UVRAG: variants seen among roughly 807,000 people sequenced by gnomAD.
UVRAG encodes UV radiation resistance associated, also known as UV radiation resistance-associated gene protein.
A neutral mutation model predicts 78.0 loss-of-function variants in UVRAG; 19 were observed. The observed-to-expected ratio is 0.24, with a 90% CI of 0.17 to 0.36. The LOEUF (loss-of-function observed/expected upper bound fraction) is 0.36. Among genes scored for constraint, UVRAG ranks in the 10% least tolerant of loss-of-function variants. The probability of loss-of-function intolerance (pLI) is 1.00; values close to 1 mark genes in which losing one functional copy is unlikely to be tolerated. For synonymous variants in UVRAG, 323 were observed against 324.6 expected (o/e 1.00, Z 0.05); for missense variants, 740 against 853.8 (o/e 0.87, Z 1.66).
At chr11:76,113,483 A>G (rs1952120133) in intron 13 of UVRAG, among the ~76,000 whole-genome samples, 1 of 152,184 alleles carries the variant, frequency 6.6e-6, no homozygotes, top group South Asian at 2.1e-4. Context: ...TAAAGAAGAA[A>G]CAGCTAAAAG....
intron 1 of UVRAG, among the ~76,000 whole-genome samples, chr11:75,842,057 G>GA (rs1945924581): frequency 6.6e-6 from 1 of 152,160 alleles, no homozygotes; most frequent in Non-Finnish European, 1.5e-5. Flanking sequence ...GAACACCTAT[G>GA]AAGCCCATGT....
chr11:76,048,606 C>G (rs891198218), intron 12 of UVRAG, among the ~76,000 whole-genome samples: 2 of 152,156 alleles, frequency 1.3e-5, no homozygotes, highest in Non-Finnish European at 1.5e-5. Context: ...TTTTTGTGCT[C>G]TGAAATTGGG....
At chr11:75,939,307 C>T (rs555335689) in intron 6 of UVRAG, among the ~76,000 whole-genome samples, 12 of 152,142 alleles carry the variant, frequency 7.9e-5, no homozygotes, top group African/African-American at 2.7e-4. Context: ...CCTCTTTGTT[C>T]TTGTTGAAAC....
intron 12 of UVRAG, among the ~76,000 whole-genome samples, chr11:76,019,396 T>C (rs1950201039): frequency 2.0e-5 from 3 of 152,246 alleles, no homozygotes; most frequent in Admixed American, 2.0e-4. Flanking sequence ...GCCTTGATGC[T>C]TGTGGATGTT....
At chr11:76,073,659 C>T (rs897457986) in intron 13 of UVRAG, among the ~76,000 whole-genome samples, 5 of 152,026 alleles carry the variant, frequency 3.3e-5, no homozygotes, top group African/African-American at 1.2e-4. Context: ...TGAAATCATA[C>T]GTAGGTAAAG....
intron 5 of UVRAG, among the ~76,000 whole-genome samples, chr11:75,893,662 A>G (rs930334274): frequency 7.7e-6 from 1 of 129,410 alleles, no homozygotes; most frequent in Non-Finnish European, 1.6e-5. Context: ...ATGAAATACT[A>G]TCTCTACCAA....
intron 3 of UVRAG, among the ~76,000 whole-genome samples, chr11:75,875,233 A>G (rs1480949841): frequency 6.6e-5 from 10 of 152,208 alleles, no homozygotes; most frequent in African/African-American, 2.2e-4. Flanking sequence ...TCTTGCAGCA[A>G]AAATGTTCTG....
chr11:75,979,111 G>A (rs969861978), intron 7 of UVRAG, among the ~76,000 whole-genome samples: 5 of 152,222 alleles, frequency 3.3e-5, no homozygotes, highest in African/African-American at 1.2e-4. Flanking sequence ...ACCCTCAGCT[G>A]CAGGTCTGTT....
chr11:75,860,942 C>T (rs1343211297), intron 2 of UVRAG, among the ~76,000 whole-genome samples: 1 of 152,054 alleles, frequency 6.6e-6, no homozygotes, highest in Non-Finnish European at 1.5e-5. Flanking sequence ...TGTGCCACCA[C>T]ACCTAATTTT....
At chr11:76,122,104 T>C (rs1205592325) in intron 14 of UVRAG, among the ~76,000 whole-genome samples, 1 of 152,064 alleles carries the variant, frequency 6.6e-6, no homozygotes, top group Non-Finnish European at 1.5e-5. Flanking sequence ...CTAATTAAGG[T>C]GGTGAAATAG....
intron 13 of UVRAG, among the ~76,000 whole-genome samples, chr11:76,100,210 A>G (rs148137074): frequency 4.5e-4 from 69 of 152,280 alleles, no homozygotes; most frequent in African/African-American, 1.6e-3. Flanking sequence ...TCACACTTCC[A>G]AAAGGAGATA....
intron 13 of UVRAG, among the ~76,000 whole-genome samples, chr11:76,114,343 A>G (rs1489907346): frequency 6.6e-6 from 1 of 152,182 alleles, no homozygotes; most frequent in Non-Finnish European, 1.5e-5. Flanking sequence ...TGAAAAAGGA[A>G]AAAACTATTT....
chr11:75,950,248 C>T (rs538323493), intron 6 of UVRAG, among the ~76,000 whole-genome samples: 1 of 152,144 alleles, frequency 6.6e-6, no homozygotes, highest in East Asian at 1.9e-4. Context: ...CATGTGCTTT[C>T]TCCTATTTAT....
chr11:76,078,170 G>A (rs1297568693), intron 13 of UVRAG, among the ~76,000 whole-genome samples: 4 of 152,092 alleles, frequency 2.6e-5, no homozygotes, highest in South Asian at 2.1e-4. Flanking sequence ...CAAAGTGACC[G>A]GCATAGCTTA....
intron 1 of UVRAG, among the ~76,000 whole-genome samples, chr11:75,838,788 G>A (rs1045135964): frequency 1.3e-5 from 2 of 152,172 alleles, no homozygotes; most frequent in African/African-American, 4.8e-5. Flanking sequence ...TGAGAGGTAG[G>A]GTCTTTAAGA....
intron 12 of UVRAG, among the ~76,000 whole-genome samples, chr11:76,056,550 AT>A (rs1251475664): frequency 1.3e-5 from 2 of 151,676 alleles, no homozygotes; most frequent in African/African-American, 2.4e-5. Flanking sequence ...TTTTCCTTGC[AT>A]TTTTTTCCTT....
intron 8 of UVRAG, among the ~76,000 whole-genome samples, chr11:75,998,524 T>G (rs1949749911): frequency 1.3e-5 from 2 of 152,078 alleles, no homozygotes; most frequent in African/African-American, 4.8e-5. Flanking sequence ...AAAAAAACAC[T>G]GGATAATATA....
At chr11:76,135,104 C>T (rs1438229309) in intron 14 of UVRAG, among the ~76,000 whole-genome samples, 1 of 152,130 alleles carries the variant, frequency 6.6e-6, no homozygotes, top group Non-Finnish European at 1.5e-5. Flanking sequence ...GGTTTCATAT[C>T]CCCACCCCCA....
chr11:75,892,046 G>C (rs73491786), intron 5 of UVRAG, among the ~76,000 whole-genome samples: 4,869 of 152,218 alleles, frequency 0.032, 263 homozygotes, highest in African/African-American at 0.11. Context: ...AGGGCTTGTC[G>C]ATTCCTTCTA....
Sources: allele counts gnomAD v4.1 joint callset (sites outside exome capture counted in the v4.1 genomes callset), GRCh38; gene constraint gnomAD v4.1.1; transcripts MANE v1.5; gene names NCBI Gene and HGNC (gene_info 2026-07-23, HGNC 2026-07-21).